Variants in HABP4 observed in about 807,000 individuals in gnomAD.
The protein encoded by HABP4 is intracellular hyaluronan-binding protein 4.
Under a neutral mutation model 44.1 loss-of-function variants are expected in HABP4, and 32 were observed. The ratio of observed to expected loss-of-function variants is 0.73; its 90% CI spans 0.55 to 0.97. The LOEUF is 0.97. Among genes scored for constraint, HABP4 ranks in the 50% least tolerant of loss-of-function variants. The pLI, the probability that HABP4 is intolerant of heterozygous loss-of-function variation, is 0.00. For missense variants in HABP4, 503 were observed against 561.9 expected, an observed-to-expected ratio of 0.90 and a Z score of 1.06; for synonymous variants, 216 against 218.0, an observed-to-expected ratio of 0.99 and a Z score of 0.08.
intron 5 of HABP4, among the ~76,000 whole-genome samples, chr9:96,478,093 T>C (rs1421822610): frequency 6.6e-6 from 1 of 152,226 alleles, no homozygotes; most frequent in Non-Finnish European, 1.5e-5. Context: ...CTGGTGGTGA[T>C]CACTGGGTGG....
At chr9:96,489,917 C>A in intron 7 of HABP4, 65 bp from the exon 8 acceptor site, 3 of 999,344 alleles carry the variant, frequency 3.0e-6, no homozygotes, top group African/African-American at 1.6e-5. Context: ...CCCTTGTTAT[C>A]CCACTGGGAT....
chr9:96,470,078 CA>C, intron 4 of HABP4, among the ~76,000 whole-genome samples: 1 of 152,216 alleles, frequency 6.6e-6, no homozygotes, highest in South Asian at 2.1e-4. Flanking sequence ...AAGGCTGAGG[CA>C]GATGGATTAT....
intron 2 of HABP4, among the ~76,000 whole-genome samples, chr9:96,464,847 G>A (rs1054806871): frequency 5.3e-5 from 8 of 152,170 alleles, no homozygotes; most frequent in African/African-American, 1.9e-4. Flanking sequence ...GATTTGGAAA[G>A]GGGCATAATT....
intron 5 of HABP4, among the ~76,000 whole-genome samples, chr9:96,479,027 GA>G (rs1251473239): frequency 6.6e-6 from 1 of 152,138 alleles, no homozygotes; most frequent in Non-Finnish European, 1.5e-5. Flanking sequence ...CTTTGATAAA[GA>G]ACCACTGCCA....
At chr9:96,480,269 T>A (rs1832853440) in intron 5 of HABP4, among the ~76,000 whole-genome samples, 1 of 152,148 alleles carries the variant, frequency 6.6e-6, no homozygotes, top group South Asian at 2.1e-4. Flanking sequence ...CCTCCTTGCT[T>A]TTTTCTCATT....
intron 2 of HABP4, among the ~76,000 whole-genome samples, chr9:96,461,919 G>A (rs1242613797): frequency 6.6e-6 from 1 of 152,130 alleles, no homozygotes; most frequent in Non-Finnish European, 1.5e-5. Context: ...ACTTTGGGGA[G>A]GCTGAGGCAG....
At chr9:96,452,943 CAG>C (rs1473596623) in intron 1 of HABP4, among the ~76,000 whole-genome samples, 21 of 24,148 alleles carry the variant, frequency 8.7e-4, no homozygotes, top group Admixed American at 2.4e-3. Context: ...TTTTTTGAGA[CAG>C]AGTCTTTTTT....
chr9:96,478,276 G>A (rs1462806559), intron 5 of HABP4, among the ~76,000 whole-genome samples: 1 of 151,768 alleles, frequency 6.6e-6, no homozygotes, highest in African/African-American at 2.4e-5. Flanking sequence ...GGGATTACAG[G>A]CGCCCGCCAC....
At chr9:96,458,663 G>A (rs1419257596) in intron 2 of HABP4, 122 bp downstream of exon 2, 38 of 662,194 alleles carry the variant, frequency 5.7e-5, no homozygotes, top group South Asian at 3.5e-4. Flanking sequence ...CGCTCTTGTC[G>A]CCCAGGCTGG....
chr9:96,457,018 T>C (rs938272433), intron 1 of HABP4, among the ~76,000 whole-genome samples: 9 of 151,746 alleles, frequency 5.9e-5, no homozygotes, highest in African/African-American at 2.2e-4. Flanking sequence ...AAGTATTAGA[T>C]GGCTTCAAAC....
chr9:96,451,778 G>GT (rs1181593782), intron 1 of HABP4, among the ~76,000 whole-genome samples: 5 of 152,162 alleles, frequency 3.3e-5, no homozygotes, highest in Non-Finnish European at 5.9e-5. Flanking sequence ...CGACACTTTG[G>GT]TAGGCCAGTA....
intron 7 of HABP4, among the ~76,000 whole-genome samples, chr9:96,489,323 C>CT (rs1253979211): frequency 8.5e-5 from 13 of 152,300 alleles, no homozygotes; most frequent in African/African-American, 3.1e-4. Context: ...GGAAACCACT[C>CT]TGAGATCCAG....
chr9:96,484,414 T>G (rs1307438533), intron 5 of HABP4, 48 bp from the exon 6 acceptor site: 2 of 839,840 alleles, frequency 2.4e-6, no homozygotes, highest in Non-Finnish European at 3.9e-6. Context: ...AAGTAGACAT[T>G]TTAGTACCAT....
chr9:96,463,012 C>T (rs931580540), intron 2 of HABP4, among the ~76,000 whole-genome samples: 3 of 149,386 alleles, frequency 2.0e-5, no homozygotes, highest in African/African-American at 7.4e-5. Context: ...AGTGCAGTGG[C>T]AGGATCTCGG....
chr9:96,457,684 A>G (rs1832417976), intron 1 of HABP4, among the ~76,000 whole-genome samples: 1 of 152,176 alleles, frequency 6.6e-6, no homozygotes, highest in South Asian at 2.1e-4. Flanking sequence ...CCTGGCCAAC[A>G]TGGTGAAACC....
At chr9:96,484,761 T>TG in intron 6 of HABP4, 128 bp downstream of exon 6, 1 of 643,720 alleles carries the variant, frequency 1.6e-6, no homozygotes. Context: ...TAATCAGAGA[T>TG]GATGCATGCC....
In HABP4 at chr9:96,488,169, T is replaced by G; in HGVS notation, c.1080T>G (p.Asn360Lys). The change falls in exon 7 of 8, where the codon AAT becomes AAG. Residue 360 changes from asparagine to lysine, a missense_variant. Asn to Lys is a moderately conservative substitution (Grantham distance 94). Transcript: ENST00000375249. This position sits in a 1 kb window ranked among gnomAD's most constrained non-coding sequence, Gnocchi z 4.6. ...ACATCACATCCCAGCTGGAGATTAA[T>G]TTTGGTAACCTCCCTCGTCCTGGGC... ...ANDITSQLEINFGNLPRPGRG... is the reference protein window; with the variant it reads ...ANDITSQLEIKFGNLPRPGRG... 1 of 1,612,688 alleles carries G rather than the reference T, an allele frequency of 6.2e-7. No individual in the cohort carries two copies. The highest frequency in any genetic ancestry group is 8.5e-7 in the Non-Finnish European group (1 of 1,178,686).
At chr9:96,480,403 T>C (rs1832855524) in intron 5 of HABP4, among the ~76,000 whole-genome samples, 1 of 152,226 alleles carries the variant, frequency 6.6e-6, no homozygotes, top group Admixed American at 6.5e-5. Context: ...ATTAATTTGC[T>C]GTTCCAATGT....
At chr9:96,474,081 G>T (rs1454017055) in intron 5 of HABP4, among the ~76,000 whole-genome samples, 1 of 152,194 alleles carries the variant, frequency 6.6e-6, no homozygotes, top group African/African-American at 2.4e-5. Context: ...CATGTAGCTA[G>T]TGCTTTATCA....
Sources: gnomAD v4.1 joint callset for allele counts (sites outside exome capture counted in the v4.1 genomes callset) on GRCh38, gnomAD v4.1.1 for gene constraint, Gnocchi (gnomAD v3.1) non-coding constraint, MANE v1.5 for transcripts, NCBI Gene and HGNC (gene_info 2026-07-23, HGNC 2026-07-21) for gene names.